Variants in USH2A observed in about 807,000 individuals in gnomAD.
USH2A encodes Usher syndrome 2A (autosomal recessive, mild).
In USH2A, 443 loss-of-function variants were observed where a neutral mutation model predicts 538.9. The ratio of observed to expected loss-of-function variants is 0.82; its 90% CI spans 0.76 to 0.89. The LOEUF is 0.89. USH2A is among the 40% of genes least tolerant of loss of function. The pLI is 0.00. For synonymous variants in USH2A, 2,413 were observed against 2,273.5 expected, an observed-to-expected ratio of 1.06 and a Z score of -1.75; for missense variants, 6,633 against 6,324.8, an observed-to-expected ratio of 1.05 and a Z score of -1.65.
intron 19 of USH2A, among the ~76,000 whole-genome samples, chr1:216,190,750 G>A (rs1199605024): frequency 1.3e-5 from 2 of 151,994 alleles, no homozygotes; most frequent in African/African-American, 2.4e-5. Flanking sequence ...ACCCAGAGCA[G>A]TAATACCCAA....
intron 11 of USH2A, among the ~76,000 whole-genome samples, chr1:216,262,980 T>C (rs989792936): frequency 1.2e-4 from 19 of 152,126 alleles, no homozygotes; most frequent in East Asian, 1.9e-4. Context: ...CAGTTGATCA[T>C]TGGAGACTAT....
At chr1:216,294,570 AT>A (rs1208926763) in intron 9 of USH2A, among the ~76,000 whole-genome samples, 3 of 151,580 alleles carry the variant, frequency 2.0e-5, no homozygotes, top group African/African-American at 7.3e-5. Flanking sequence ...GAGTGGATAT[AT>A]ATCTAAGTAT....
intron 44 of USH2A, among the ~76,000 whole-genome samples, chr1:215,865,526 G>C (rs932465770): frequency 5.9e-5 from 9 of 152,124 alleles, no homozygotes; most frequent in Non-Finnish European, 8.8e-5. Context: ...TTTATGAGTA[G>C]GCTTTTAAGA....
intron 32 of USH2A, among the ~76,000 whole-genome samples, chr1:216,023,894 A>G (rs1263874692): frequency 6.6e-6 from 1 of 152,106 alleles, no homozygotes; most frequent in East Asian, 1.9e-4. Context: ...AATTAAAACT[A>G]GTAGAGTACA....
chr1:215,945,811 C>T lies in USH2A; in HGVS notation c.7121-11016G>A, dbSNP rs1029391918. Among the ~76,000 whole-genome samples, 4 of 152,152 alleles carry T rather than the reference C, an allele frequency of 2.6e-5. No homozygotes were observed. The Middle Eastern group carries it at 0.01, about 388-fold the overall frequency. Reference sequence around the variant, plus strand: ...GAATCTCCAATCCATAATCAAATATCGAGATTGATTGTCTCACTTGCACTT... The same window carrying T: ...GAATCTCCAATCCATAATCAAATATTGAGATTGATTGTCTCACTTGCACTT... On this transcript the variant is annotated intron_variant, in intron 37 of 71. Transcript: ENST00000307340.
At chr1:216,293,324 A>T (rs982240303) in intron 9 of USH2A, among the ~76,000 whole-genome samples, 41 of 152,126 alleles carry the variant, frequency 2.7e-4, no homozygotes, top group Non-Finnish European at 5.1e-4. Flanking sequence ...GCACCCGGCC[A>T]CTTCTTTTCT....
At position 215,813,704 on chromosome 1, in the gene USH2A, A is replaced by C. The variant is rs753675973; in HGVS notation, c.9739+32T>G. The C allele has an allele frequency of 4.5e-5, 73 of 1,613,350 alleles. No individual in the cohort carries two copies. In the South Asian group the frequency reaches 7.7e-4, roughly 17 times the overall value. ...CGTGTTTATGTTTTCAGGTTCCCAT[A>C]GTTTTTGAGTACACCTGGAAATAAC... On this transcript the variant is annotated intron_variant, in intron 49 of 71. Transcript: ENST00000307340.
intron 61 of USH2A, among the ~76,000 whole-genome samples, chr1:215,687,651 C>T (rs534703699): frequency 6.6e-6 from 1 of 152,052 alleles, no homozygotes; most frequent in East Asian, 1.9e-4. Flanking sequence ...ATCAGTCACA[C>T]TAAATATTAA....
chr1:216,308,506 T>C (rs1044464006), intron 9 of USH2A, among the ~76,000 whole-genome samples: 4 of 152,238 alleles, frequency 2.6e-5, no homozygotes, highest in African/African-American at 9.6e-5. Flanking sequence ...TGTGAATTAC[T>C]TGTTCACTTC....
At chr1:216,370,990 C>T (rs1002049432) in intron 3 of USH2A, among the ~76,000 whole-genome samples, 4 of 152,170 alleles carry the variant, frequency 2.6e-5, no homozygotes, top group Admixed American at 6.5e-5. Flanking sequence ...CTTCCCAGAT[C>T]GCTGCTTCAC....
chr1:215,793,703 GAT>G (rs1435725374), intron 50 of USH2A, among the ~76,000 whole-genome samples: 4 of 152,060 alleles, frequency 2.6e-5, no homozygotes, highest in Admixed American at 6.6e-5. Flanking sequence ...AACAAACAGC[GAT>G]AGTCATTTGT....
chr1:215,748,271 A>C (rs1206439215), intron 58 of USH2A, among the ~76,000 whole-genome samples: 1 of 152,160 alleles, frequency 6.6e-6, no homozygotes, highest in Non-Finnish European at 1.5e-5. Flanking sequence ...TGACAAAATG[A>C]AGAGGGGAAG....
At chr1:215,792,855 A>G (rs1662019691) in intron 50 of USH2A, among the ~76,000 whole-genome samples, 1 of 152,248 alleles carries the variant, frequency 6.6e-6, no homozygotes, top group East Asian at 1.9e-4. Context: ...GTCATGCATT[A>G]TTGATGGATT....
chr1:215,706,819 T>C (rs1412148785), intron 61 of USH2A, among the ~76,000 whole-genome samples: 1 of 152,230 alleles, frequency 6.6e-6, no homozygotes, highest in Non-Finnish European at 1.5e-5. Context: ...GAATATCTAT[T>C]GACTCAAGCT....
rs794727135 is a variant in USH2A at position 216,231,954 on chromosome 1, T to C, written c.2992A>G (p.Arg998Gly). 6 of 1,613,958 alleles carry C rather than the reference T, an allele frequency of 3.7e-6. No individual in the cohort carries two copies. The highest frequency in any genetic ancestry group is 1.7e-5 in the Admixed American group (1 of 60,006). The change falls in exon 14 of 72, where the codon AGA becomes GGA. Residue 998 changes from arginine (R) to glycine (G), a missense_variant and splice_region_variant. Transcript: ENST00000307340. ...TTATTAAAGCTTATAAAGATGTACC[T>C]TCCAGTCTGAGGATCAAATCCAAAG... ...HYFGFDPQTG[R>G]CQPCNCHLSG...
chr1:216,192,509 T>C (rs2034739875), intron 19 of USH2A, among the ~76,000 whole-genome samples: 1 of 151,434 alleles, frequency 6.6e-6, no homozygotes, highest in African/African-American at 2.4e-5. Context: ...CTGGCAAAGA[T>C]GGCAAAACCC....
At chr1:216,353,349 G>A (rs943231383) in intron 4 of USH2A, among the ~76,000 whole-genome samples, 1 of 151,810 alleles carries the variant, frequency 6.6e-6, no homozygotes, top group South Asian at 2.1e-4. Context: ...GCCGCTGGGG[G>A]CACCGAGATT....
intron 3 of USH2A, among the ~76,000 whole-genome samples, chr1:216,393,212 G>A (rs530218698): frequency 5.9e-5 from 9 of 152,170 alleles, no homozygotes; most frequent in Non-Finnish European, 1.3e-4. Context: ...GCACTTATTC[G>A]AGTGTGCTAC....
Position 216,394,720 on chromosome 1 carries a change from C to CTTTTTTTTTTTTTTTTTTTTTTT in USH2A, c.651+23793_651+23794insAAAAAAAAAAAAAAAAAAAAAAA, listed in dbSNP as rs780581599. Among the ~76,000 whole-genome samples the CTTTTTTTTTTTTTTTTTTTTTTT allele has an allele frequency of 6.2e-4, 74 of 120,324 alleles. 15 individuals are homozygous for CTTTTTTTTTTTTTTTTTTTTTTT. Among genetic ancestry groups the CTTTTTTTTTTTTTTTTTTTTTTT allele is most frequent in the Non-Finnish European group, 9.1e-4 (54 of 59,642 alleles). The allele number at this position is 120,324 out of a possible 152,430, so 78.9% of individuals were successfully genotyped here. On this transcript the variant is annotated intron_variant, in intron 3 of 71. Transcript: ENST00000307340. ...CTTAAGGCCTAATAACTGGTCCAGT[C>CTTTTTTTTTTTTTTTTTTTTTTT]TTTTTTTTTTTTTTTTGAGACAGAG...
Sources: allele counts gnomAD v4.1 joint callset (sites outside exome capture counted in the v4.1 genomes callset), GRCh38; gene constraint gnomAD v4.1.1; transcripts MANE v1.5; gene names NCBI Gene and HGNC (gene_info 2026-07-23, HGNC 2026-07-21).